Variants in SLC4A4 observed in about 807,000 individuals in gnomAD.
SLC4A4 encodes the protein solute carrier family 4 member 4.
A neutral mutation model predicts 111.5 loss-of-function variants in SLC4A4; 27 were observed. That is an observed-to-expected ratio of 0.24 (90% CI 0.18 to 0.33). The LOEUF (loss-of-function observed/expected upper bound fraction) is 0.33. Ranked by LOEUF, SLC4A4 falls within the 10% of genes least tolerant of loss-of-function variation. The pLI is 1.00. For synonymous variants in SLC4A4, 443 were observed against 463.4 expected (o/e 0.96, Z 0.57); for missense variants, 909 against 1,315.5 (o/e 0.69, Z 4.78).
At chr4:71,455,003 C>T (rs1726096594) in intron 12 of SLC4A4, among the ~76,000 whole-genome samples, 1 of 152,174 alleles carries the variant, frequency 6.6e-6, no homozygotes, top group Admixed American at 6.5e-5. Context: ...CTCCACATAG[C>T]TAACTTGGGC....
In SLC4A4 at chr4:71,560,084, C is replaced by G; in HGVS notation, c.2938-9C>G. The G allele has an allele frequency of 6.2e-7, 1 of 1,603,010 alleles. No individual in the cohort carries two copies. Among genetic ancestry groups the G allele is most frequent in the Non-Finnish European group, 8.5e-7 (1 of 1,170,752 alleles). On this transcript the variant is annotated splice_polypyrimidine_tract_variant and intron_variant, in intron 22 of 25. Transcript: ENST00000264485. ...GTTTCTTTCATACTTTTAATATTTG[C>G]TCTTTCAGATCTTGGCACTTGTAGC... is the stretch of plus-strand genomic sequence containing the variant.
chr4:71,530,092 C>T lies in SLC4A4; in HGVS notation c.2167-1970C>T, dbSNP rs375680215. 4.5e-4 allele frequency among the ~76,000 whole-genome samples: 68 copies of T among 152,230 alleles called. 1 individual carries two copies. The South Asian group carries it at 0.011, about 25-fold the overall frequency. ...CCTTTTTTTGCTGTGACTCCAGATACTTCTAACCAAAATTAGCTCTGAGTG... is the reference window on the plus strand; with the variant it reads ...CCTTTTTTTGCTGTGACTCCAGATATTTCTAACCAAAATTAGCTCTGAGTG... On this transcript the variant is annotated intron_variant, in intron 16 of 25. Transcript: ENST00000264485.
At chr4:71,334,092 A>G (rs1231103517) in intron 3 of SLC4A4, among the ~76,000 whole-genome samples, 1 of 152,000 alleles carries the variant, frequency 6.6e-6, no homozygotes, top group African/African-American at 2.4e-5. Context: ...ACTTCTCCCC[A>G]TGGCCACCAC....
intron 2 of SLC4A4, among the ~76,000 whole-genome samples, chr4:71,237,790 C>G (rs578206085): frequency 2.0e-5 from 3 of 152,230 alleles, no homozygotes; most frequent in African/African-American, 2.4e-5. Flanking sequence ...CGCCTCCACC[C>G]GCCCCCCTCA....
intron 7 of SLC4A4, among the ~76,000 whole-genome samples, chr4:71,429,662 C>T (rs561856127): frequency 6.6e-6 from 1 of 152,178 alleles, no homozygotes; most frequent in Admixed American, 6.5e-5. Flanking sequence ...ATTTAAAATT[C>T]ACTCCTCTGA....
intron 2 of SLC4A4, among the ~76,000 whole-genome samples, chr4:71,238,301 A>G (rs1299080957): frequency 6.6e-6 from 1 of 152,196 alleles, no homozygotes; most frequent in Non-Finnish European, 1.5e-5. Context: ...GATATTGTAT[A>G]CTGTTTCTTA....
intron 2 of SLC4A4, among the ~76,000 whole-genome samples, chr4:71,156,578 G>A (rs1252812857): frequency 2.0e-4 from 20 of 101,296 alleles, no homozygotes; most frequent in South Asian, 5.1e-4. Context: ...GCGCATGCGC[G>A]CGCGCGCGCG....
intron 1 of SLC4A4, among the ~76,000 whole-genome samples, chr4:71,091,574 T>G (rs1742390074): frequency 6.6e-6 from 1 of 152,056 alleles, no homozygotes; most frequent in Admixed American, 6.6e-5. Flanking sequence ...TATTTTTAGA[T>G]TAATCCTGTG....
rs80210649 is a variant in SLC4A4 at position 71,469,989 on chromosome 4, C to A, written c.1632-2710C>A. On this transcript the variant is annotated intron_variant, in intron 13 of 25. Transcript: ENST00000264485. Reference sequence around the variant, plus strand: ...TAAACATTAAATCTATAAACAACTACTAGCATTCTTAGAACAAATCAAGAT... The same window carrying A: ...TAAACATTAAATCTATAAACAACTAATAGCATTCTTAGAACAAATCAAGAT... Among the ~76,000 whole-genome samples, 214 of 152,108 alleles carry A rather than the reference C, an allele frequency of 1.4e-3. 7 individuals are homozygous for A. In the East Asian group the frequency reaches 0.04, roughly 28 times the overall value.
intron 7 of SLC4A4, among the ~76,000 whole-genome samples, chr4:71,418,600 A>G (rs1221839646): frequency 6.6e-6 from 1 of 152,214 alleles, no homozygotes; most frequent in East Asian, 1.9e-4. Context: ...GTCATTGGAA[A>G]TATTCTTCTA....
At chr4:71,326,257 C>T (rs60257432) in intron 3 of SLC4A4, among the ~76,000 whole-genome samples, 2,148 of 151,914 alleles carry the variant, frequency 0.014, 60 homozygotes, top group African/African-American at 0.049. Context: ...AATACACCAC[C>T]GTGACAGTCC....
chr4:71,497,175 A>G (rs1456079209), intron 15 of SLC4A4, among the ~76,000 whole-genome samples: 1 of 152,110 alleles, frequency 6.6e-6, no homozygotes, highest in African/African-American at 2.4e-5. Context: ...GACTTAGAAT[A>G]TTAATGTGTC....
At chr4:71,434,411 C>G (rs1723927285) in intron 7 of SLC4A4, 1 of 198,458 alleles carries the variant, frequency 5.0e-6, no homozygotes, top group Admixed American at 4.7e-5. Flanking sequence ...AACTTTAAAG[C>G]TTGAGCTCCT....
intron 4 of SLC4A4, among the ~76,000 whole-genome samples, chr4:71,342,183 A>T (rs937513879): frequency 6.6e-6 from 1 of 152,238 alleles, no homozygotes; most frequent in African/African-American, 2.4e-5. Flanking sequence ...CTCCCAGGAT[A>T]CATCAACTGT....
chr4:71,164,683 A>C (rs1230705978), intron 2 of SLC4A4, among the ~76,000 whole-genome samples: 6 of 152,176 alleles, frequency 3.9e-5, no homozygotes, highest in African/African-American at 1.2e-4. Flanking sequence ...CAATGGCAAC[A>C]AAAGCCAAAA....
intron 4 of SLC4A4, among the ~76,000 whole-genome samples, chr4:71,349,391 A>G (rs144967377): frequency 6.6e-6 from 1 of 152,324 alleles, no homozygotes; most frequent in African/African-American, 2.4e-5. Context: ...TTCCTTAAGC[A>G]TCAATAAAAC....
chr4:71,473,477 C>G (rs1134115), intron 14 of SLC4A4, among the ~76,000 whole-genome samples: 40,524 of 151,480 alleles, frequency 0.27, 7,533 homozygotes, highest in East Asian at 0.59. Context: ...GAATTGCCTA[C>G]TGGTAGAATT....
intron 7 of SLC4A4, among the ~76,000 whole-genome samples, chr4:71,427,931 A>G (rs934134996): frequency 2.6e-5 from 4 of 152,152 alleles, no homozygotes; most frequent in Non-Finnish European, 5.9e-5. Context: ...TGAAGATGTC[A>G]AGTCTGTTTT....
intron 1 of SLC4A4, chr4:71,235,886 G>A (rs1719764474): frequency 5.2e-6 from 1 of 193,690 alleles, no homozygotes; most frequent in African/African-American, 2.4e-5. Flanking sequence ...TGATAAGAAT[G>A]TGGAAAATGA....
Sources: allele counts gnomAD v4.1 joint callset (sites outside exome capture counted in the v4.1 genomes callset), GRCh38; gene constraint gnomAD v4.1.1; transcripts MANE v1.5; gene names NCBI Gene and HGNC (gene_info 2026-07-23, HGNC 2026-07-21).